ACOXL: variants seen among roughly 807,000 people sequenced by gnomAD.
The protein encoded by ACOXL is acyl-CoA oxidase like.
ACOXL carries 70 observed loss-of-function variants against 71.9 expected under a neutral mutation model. That is an observed-to-expected ratio of 0.97 (90% CI 0.80 to 1.19). The LOEUF (loss-of-function observed/expected upper bound fraction) is 1.19. ACOXL is among the 50% of genes most tolerant of loss of function. ACOXL has a pLI of 0.00. For synonymous variants in ACOXL, 253 were observed against 281.6 expected, an observed-to-expected ratio of 0.90 and a Z score of 1.02; for missense variants, 703 against 736.3, an observed-to-expected ratio of 0.95 and a Z score of 0.52.
At chr2:111,012,184 A>G (rs1218895379) in intron 14 of ACOXL, among the ~76,000 whole-genome samples, 21 of 152,252 alleles carry the variant, frequency 1.4e-4, no homozygotes, top group Admixed American at 1.4e-3. Context: ...AGTTAGTGGG[A>G]ACACTGTGTT....
Position 111,117,810 on chromosome 2 carries a change from G to T in ACOXL, c.1737G>T (p.Lys579Asn). 6.5e-7 allele frequency: 1 copy of T among 1,547,936 alleles called. No individual in the cohort carries two copies. Among genetic ancestry groups the T allele is most frequent in the East Asian group, 2.4e-5 (1 of 40,898 alleles). The change falls in exon 18 of 18, where the codon AAG becomes AAT. Residue 579 changes from lysine (K) to asparagine (N), a missense_variant. Physicochemically the swap from Lys to Asn is moderately conservative, Grantham distance 94. Transcript: ENST00000439055. ...ARSRRPKLGA[K>N]L ...CCCGGCGGCCCAAGCTGGGAGCCAA[G>T]CTCTAACGGGTGTGGCGGGAAGTGT... is the stretch of plus-strand genomic sequence containing the variant.
chr2:110,741,724 A>G (rs1175256299), intron 1 of ACOXL, among the ~76,000 whole-genome samples: 1 of 152,182 alleles, frequency 6.6e-6, no homozygotes, highest in Non-Finnish European at 1.5e-5. Context: ...GCAGGTATGA[A>G]GAGGTAGGAA....
chr2:110,932,771 T>A (rs1384662675), intron 11 of ACOXL, among the ~76,000 whole-genome samples: 1 of 152,180 alleles, frequency 6.6e-6, no homozygotes, highest in Non-Finnish European at 1.5e-5. Flanking sequence ...CCTAGACAGA[T>A]GTCAGCGTAA....
At chr2:110,931,534 A>G (rs2060479014) in intron 11 of ACOXL, among the ~76,000 whole-genome samples, 1 of 152,152 alleles carries the variant, frequency 6.6e-6, no homozygotes. Context: ...CAGGAACATT[A>G]TCTATAATGA....
intron 1 of ACOXL, among the ~76,000 whole-genome samples, chr2:110,740,947 A>G (rs1031751161): frequency 3.3e-5 from 5 of 152,252 alleles, no homozygotes; most frequent in African/African-American, 1.2e-4. Flanking sequence ...TCTAGGGGCC[A>G]CAGAAATACA....
chr2:110,798,233 G>T (rs1215885820), intron 5 of ACOXL, among the ~76,000 whole-genome samples: 2 of 151,322 alleles, frequency 1.3e-5, no homozygotes, highest in Admixed American at 1.3e-4. Flanking sequence ...GCACTGTGTG[G>T]TTCTGTTTTT....
intron 15 of ACOXL, among the ~76,000 whole-genome samples, chr2:111,038,192 C>T (rs141810203): frequency 1.1e-4 from 17 of 152,186 alleles, no homozygotes; most frequent in African/African-American, 3.1e-4. Context: ...CTGAGGAAAC[C>T]GAGGCACAGA....
At chr2:110,801,627 C>G (rs756224641) in intron 7 of ACOXL, 25 bp from the exon 8 acceptor site, 2 of 1,599,988 alleles carry the variant, frequency 1.3e-6, no homozygotes, top group Non-Finnish European at 1.7e-6. Flanking sequence ...ATGCTGCATC[C>G]ATTTCCCCTT....
intron 16 of ACOXL, among the ~76,000 whole-genome samples, chr2:111,080,478 A>G (rs1275448674): frequency 6.6e-6 from 1 of 152,072 alleles, no homozygotes; most frequent in East Asian, 1.9e-4. Context: ...ATAGTCATTC[A>G]GGAGCAGGTT....
rs190568068 is a variant in ACOXL at position 110,969,008 on chromosome 2, G to T, written c.1060-18100G>T. Reference sequence around the variant, plus strand: ...ATAATAGAATGAAATGAGAAATCAAGAGCAGAAAGAAAAGAAGAATATCTC... The same window carrying T: ...ATAATAGAATGAAATGAGAAATCAATAGCAGAAAGAAAAGAAGAATATCTC... On this transcript the variant is annotated intron_variant, in intron 12 of 17. Coordinates refer to ENST00000439055, the MANE Select transcript of ACOXL (RefSeq NM_001142807.4). Among the ~76,000 whole-genome samples the T allele has an allele frequency of 4.4e-3, 675 of 152,264 alleles. 4 individuals carry two copies. Among genetic ancestry groups the T allele is most frequent in the Non-Finnish European group, 4.3e-3 (295 of 68,024 alleles).
At chr2:110,957,666 CT>C (rs2061549316) in intron 12 of ACOXL, among the ~76,000 whole-genome samples, 1 of 152,144 alleles carries the variant, frequency 6.6e-6, no homozygotes, top group Non-Finnish European at 1.5e-5. Context: ...ATTAGGGCTG[CT>C]CAATTACCTC....
At chr2:110,839,646 AGT>A (rs1690892643) in intron 9 of ACOXL, among the ~76,000 whole-genome samples, 2 of 152,164 alleles carry the variant, frequency 1.3e-5, no homozygotes, top group African/African-American at 4.8e-5. Flanking sequence ...GGATGCCTGC[AGT>A]GGTATGCATG....
chr2:111,011,842 C>T (rs1014377302), intron 14 of ACOXL, among the ~76,000 whole-genome samples: 3 of 141,454 alleles, frequency 2.1e-5, no homozygotes, highest in African/African-American at 5.3e-5. Context: ...CAAGATTGCA[C>T]CACTGCACTC....
intron 1 of ACOXL, among the ~76,000 whole-genome samples, chr2:110,741,944 C>T (rs1442180313): frequency 2.0e-5 from 3 of 152,164 alleles, no homozygotes; most frequent in South Asian, 2.1e-4. Flanking sequence ...GGTGATTGCA[C>T]GTTTTCTTGC....
chr2:110,736,350 T>G (rs1161299293), intron 1 of ACOXL, among the ~76,000 whole-genome samples: 1 of 152,182 alleles, frequency 6.6e-6, no homozygotes, highest in East Asian at 1.9e-4. Context: ...TCATCCCAAA[T>G]GGAAACTCTG....
At chr2:111,096,653 C>G (rs2068818207) in intron 17 of ACOXL, among the ~76,000 whole-genome samples, 1 of 152,072 alleles carries the variant, frequency 6.6e-6, no homozygotes, top group African/African-American at 2.4e-5. Context: ...ATTCCGATAC[C>G]TTAAAATCTT....
At chr2:110,846,393 A>G (rs1330399712) in intron 10 of ACOXL, among the ~76,000 whole-genome samples, 3 of 152,154 alleles carry the variant, frequency 2.0e-5, no homozygotes, top group East Asian at 3.9e-4. Flanking sequence ...GAAAGAAGTC[A>G]CTAAAATCCT....
chr2:110,920,020 A>G (rs2060006907), intron 11 of ACOXL, among the ~76,000 whole-genome samples: 1 of 152,224 alleles, frequency 6.6e-6, no homozygotes, highest in Non-Finnish European at 1.5e-5. Context: ...AATAACTACT[A>G]AAAACTATTC....
chr2:110,830,937 A>G (rs1156460262), intron 9 of ACOXL, among the ~76,000 whole-genome samples: 5 of 152,226 alleles, frequency 3.3e-5, no homozygotes, highest in Admixed American at 6.5e-5. Flanking sequence ...TTCAGCACCA[A>G]TTCATAATTA....
Sources: allele counts gnomAD v4.1 joint callset (sites outside exome capture counted in the v4.1 genomes callset), GRCh38; gene constraint gnomAD v4.1.1; transcripts MANE v1.5; gene names NCBI Gene and HGNC (gene_info 2026-07-23, HGNC 2026-07-21).